Variants in SLC7A2 observed in about 807,000 individuals in gnomAD.
The protein encoded by SLC7A2 is solute carrier family 7 member 2.
A neutral mutation model predicts 58.9 loss-of-function variants in SLC7A2; 48 were observed. That is an observed-to-expected ratio of 0.82 (90% confidence interval 0.65 to 1.04). SLC7A2 has a LOEUF of 1.04. Among genes scored for constraint, SLC7A2 ranks in the 50% least tolerant of loss-of-function variants. The pLI, the probability that SLC7A2 is intolerant of heterozygous loss-of-function variation, is 0.00. For synonymous variants in SLC7A2, 363 were observed against 314.5 expected, an observed-to-expected ratio of 1.15 and a Z score of -1.63; for missense variants, 1,029 against 818.8, an observed-to-expected ratio of 1.26 and a Z score of -3.13.
chr8:17,544,695 C>G, intron 4 of SLC7A2, 89 bp downstream of exon 4: 1 of 1,129,274 alleles, frequency 8.9e-7, no homozygotes, highest in East Asian at 2.4e-5. Flanking sequence ...GGCCTGAGTT[C>G]CCAAGATGAG....
intron 2 of SLC7A2, among the ~76,000 whole-genome samples, chr8:17,513,789 T>C (rs1013654500): frequency 6.6e-6 from 1 of 152,188 alleles, no homozygotes; most frequent in African/African-American, 2.4e-5. Context: ...TGACTTTTTG[T>C]CCCACTTACA....
rs761586485 is a variant in SLC7A2, at chr8:17,554,555, T to G, written c.1056-5T>G. The G allele has an allele frequency of 4.4e-6, 7 of 1,584,456 alleles. No individual in the cohort carries two copies. The highest frequency in any genetic ancestry group is 6.0e-6 in the Non-Finnish European group (7 of 1,170,414). On this transcript the variant is annotated splice_region_variant and splice_polypyrimidine_tract_variant and intron_variant, in intron 7 of 12. Transcript: ENST00000494857. Reference sequence around the variant, plus strand: ...CCATACTGCATGTGTTTGCTTTTTATTCAGTCTTCTTGGATCCATTTTCCC... The same window carrying G: ...CCATACTGCATGTGTTTGCTTTTTAGTCAGTCTTCTTGGATCCATTTTCCC...
At chr8:17,534,153 CCTGT>C (rs1801567362) in intron 2 of SLC7A2, among the ~76,000 whole-genome samples, 1 of 152,074 alleles carries the variant, frequency 6.6e-6, no homozygotes, top group South Asian at 2.1e-4. Flanking sequence ...TTTTCTTTAT[CCTGT>C]CTATTATTGA....
chr8:17,500,281 T>A (rs1487499283), intron 1 of SLC7A2: 1 of 152,232 alleles, frequency 6.6e-6, no homozygotes, highest in Non-Finnish European at 1.5e-5. Context: ...TATTTCATCA[T>A]CAAAATCACA....
At chr8:17,548,485 G>C (rs1802283963) in intron 4 of SLC7A2, among the ~76,000 whole-genome samples, 193 bp from the exon 5 acceptor site, 1 of 152,216 alleles carries the variant, frequency 6.6e-6, no homozygotes, top group Non-Finnish European at 1.5e-5. Context: ...CTCCGAAATT[G>C]AGTTGGTTGC....
intron 4 of SLC7A2, among the ~76,000 whole-genome samples, chr8:17,547,476 A>C (rs1429880153): frequency 2.6e-5 from 4 of 152,210 alleles, no homozygotes; most frequent in African/African-American, 9.7e-5. Context: ...TATGAATAGA[A>C]TATCCTAATA....
At position 17,514,264 on chromosome 8, in the gene SLC7A2, A is replaced by G. The variant is rs910278717; in HGVS notation, c.-23+11962A>G. On this transcript the variant is annotated intron_variant, in intron 2 of 12. Transcript: ENST00000494857. The stretch of plus-strand genomic sequence containing the variant: ...GTGTTAAACCAAAGAGGAATCAATT[A>G]AAAAAAAAATACAGTGTGTCCCAAA... Among the ~76,000 whole-genome samples, 6 of 147,436 alleles carry G rather than the reference A, an allele frequency of 4.1e-5. No homozygotes were observed. The South Asian group carries it at 1.3e-3, about 33-fold the overall frequency.
intron 2 of SLC7A2, among the ~76,000 whole-genome samples, chr8:17,521,330 G>T (rs1252777493): frequency 6.6e-6 from 1 of 152,198 alleles, no homozygotes; most frequent in Non-Finnish European, 1.5e-5. Context: ...GCCTATGTTG[G>T]TTCTTCGGAA....
intron 2 of SLC7A2, among the ~76,000 whole-genome samples, chr8:17,524,627 G>GAATGATACA (rs1247720837): frequency 6.6e-6 from 1 of 152,100 alleles, no homozygotes; most frequent in Non-Finnish European, 1.5e-5. Context: ...AAAGGCATAA[G>GAATGATACA]AATGATACAC....
At chr8:17,514,192 A>T (rs529947895) in intron 2 of SLC7A2, among the ~76,000 whole-genome samples, 101 of 152,256 alleles carry the variant, frequency 6.6e-4, no homozygotes, top group Non-Finnish European at 1.3e-3. Flanking sequence ...AGTAACAGAC[A>T]TGAATGAAAC....
chr8:17,538,944 T>C, intron 2 of SLC7A2: 1 of 1,603,856 alleles, frequency 6.2e-7, no homozygotes, highest in Non-Finnish European at 8.5e-7. Context: ...TGTCAGGGCC[T>C]GGGATACTGA....
Position 17,543,400 on chromosome 8 carries a change from A to T in SLC7A2, c.61A>T (p.Thr21Ser). ...ARCLIRRKIV[T>S]LDSLEDTKLC... is the part of the protein sequence containing the mutation. ...ATGTCTGATCCGGAGAAAAATCGTG[A>T]CCCTGGACAGTCTAGAAGACACCAA... The change falls in exon 3 of 13, where the codon ACC becomes TCC. Residue 21 changes from threonine (T) to serine (S), a missense_variant. Transcript: ENST00000494857. The T allele has an allele frequency of 6.2e-7, 1 of 1,614,084 alleles. No individual in the cohort carries two copies. Among genetic ancestry groups the T allele is most frequent in the East Asian group, 2.2e-5 (1 of 44,864 alleles).
intron 4 of SLC7A2, among the ~76,000 whole-genome samples, chr8:17,546,424 G>A (rs1014178156): frequency 3.3e-5 from 5 of 152,214 alleles, no homozygotes; most frequent in African/African-American, 9.6e-5. Flanking sequence ...GTCTTTTTAC[G>A]TGAAGCCGTT....
intron 8 of SLC7A2, among the ~76,000 whole-genome samples, chr8:17,556,856 G>A (rs138699158): frequency 2.0e-4 from 31 of 152,144 alleles, no homozygotes; most frequent in African/African-American, 4.6e-4. Flanking sequence ...TGATCTGCCC[G>A]GCCCCGCCTC....
rs1563475049 is a variant in SLC7A2, at chr8:17,552,533, TG to T, written c.1055+549del. On this transcript the variant is annotated intron_variant, in intron 7 of 12. Coordinates refer to ENST00000494857, the MANE Select transcript of SLC7A2 (RefSeq NM_001370338.1). Reference sequence around the variant, plus strand: ...TTCTTAGCACCAATCAGAGTGAAGTTGGTCTAGAAATAGAAATTATCATTCT... The same window carrying T: ...TTCTTAGCACCAATCAGAGTGAAGTTGTCTAGAAATAGAAATTATCATTCT... Among the ~76,000 whole-genome samples, 5 of 150,520 alleles carry T rather than the reference TG, an allele frequency of 3.3e-5. No homozygotes were observed. The East Asian group carries it at 9.8e-4, about 30-fold the overall frequency.
intron 1 of SLC7A2, chr8:17,500,220 C>T (rs186898039): frequency 3.9e-5 from 6 of 152,284 alleles, no homozygotes; most frequent in South Asian, 4.1e-4. Flanking sequence ...CTGTCTGTGC[C>T]GCAAAGCAAG....
intron 2 of SLC7A2, among the ~76,000 whole-genome samples, chr8:17,506,067 G>A (rs570601484): frequency 1.3e-5 from 2 of 152,296 alleles, no homozygotes; most frequent in South Asian, 4.1e-4. Context: ...ATGTTTTATT[G>A]CAAAAGAAAG....
intron 2 of SLC7A2, chr8:17,520,769 G>C (rs560441173): frequency 2.6e-5 from 24 of 912,262 alleles, no homozygotes; most frequent in Non-Finnish European, 3.0e-5. Flanking sequence ...AAGGGTATCT[G>C]TAAGTAGAGA....
intron 7 of SLC7A2, among the ~76,000 whole-genome samples, chr8:17,553,384 C>G (rs1164579956): frequency 6.6e-6 from 1 of 152,086 alleles, no homozygotes; most frequent in Non-Finnish European, 1.5e-5. Context: ...CAAGTAATTT[C>G]AAAAGTCTGA....
Sources: gnomAD v4.1 joint callset for allele counts (sites outside exome capture counted in the v4.1 genomes callset) on GRCh38, gnomAD v4.1.1 for gene constraint, MANE v1.5 for transcripts, NCBI Gene and HGNC (gene_info 2026-07-23, HGNC 2026-07-21) for gene names.